The following CTSH variants were observed in gnomAD, a reference collection of about 807,000 sequenced individuals.
CTSH encodes pro-cathepsin H.
A neutral mutation model predicts 56.3 loss-of-function variants in CTSH; 52 were observed. The ratio of observed to expected loss-of-function variants is 0.92; its 90% CI spans 0.74 to 1.16. The LOEUF (loss-of-function observed/expected upper bound fraction) is 1.16, where lower values mean the gene tolerates loss of function less well. CTSH is among the 50% of genes most tolerant of loss of function. The probability of loss-of-function intolerance (pLI) is 0.00; values close to 1 mark genes in which losing one functional copy is unlikely to be tolerated. For synonymous variants in CTSH, 174 were observed against 155.7 expected, an observed-to-expected ratio of 1.12 and a Z score of -0.88; for missense variants, 406 against 424.5, an observed-to-expected ratio of 0.96 and a Z score of 0.38.
At chr15:78,938,582 G>A (rs1027764525) in intron 2 of CTSH, among the ~76,000 whole-genome samples, 1 of 152,084 alleles carries the variant, frequency 6.6e-6, no homozygotes, top group African/African-American at 2.4e-5. Flanking sequence ...CCATGTTGCT[G>A]CAAATGACAG....
At chr15:78,930,892 A>G (rs1184878609) in intron 7 of CTSH, among the ~76,000 whole-genome samples, 2 of 152,304 alleles carry the variant, frequency 1.3e-5, no homozygotes, top group East Asian at 3.9e-4. Flanking sequence ...GACCACAGAA[A>G]TGTCTCAGAG....
intron 7 of CTSH, among the ~76,000 whole-genome samples, chr15:78,929,824 C>T (rs971151477): frequency 2.0e-5 from 3 of 152,206 alleles, no homozygotes; most frequent in Non-Finnish European, 2.9e-5. Flanking sequence ...AGCCCCTGGG[C>T]AGGTGCTTCC....
intron 5 of CTSH, chr15:78,933,579 G>A (rs1439549644): frequency 2.2e-6 from 1 of 454,252 alleles, no homozygotes; most frequent in South Asian, 1.6e-5. Flanking sequence ...GGGACGGCCT[G>A]GTGAGAGGGT....
chr15:78,939,153 G>T lies in CTSH; in HGVS notation c.110C>A (p.Ser37Ter). ...TTGGGCACTGACCTTAGACATCCAT[G>T]ACTTGAAGTGAAACTTCTCTGTAAA... ...VNSLEKFHFK[S>*]WMSKHRKTYS... The change falls in exon 2 of 12, where the codon TCA becomes TAA. Residue 37 changes from serine to a stop codon, truncating the protein, a stop_gained. Transcript: ENST00000220166. LOFTEE classifies it high-confidence loss of function. 1 of 1,594,894 alleles carries T rather than the reference G, an allele frequency of 6.3e-7. No individual in the cohort carries two copies. The highest frequency in any genetic ancestry group is 8.5e-7 in the Non-Finnish European group (1 of 1,173,582).
At position 78,932,430 on chromosome 15, in the gene CTSH, G is replaced by A; in HGVS notation, c.434C>T (p.Ser145Phe). 1 of 1,614,118 alleles carries A rather than the reference G, an allele frequency of 6.2e-7. No individual in the cohort carries two copies. The highest frequency in any genetic ancestry group is 1.3e-5 in the African/African-American group (1 of 75,048). Residue 145 changes from serine to phenylalanine, a missense_variant, in exon 6 of 12, where the codon TCC becomes TTC. Coordinates refer to ENST00000220166, the MANE Select transcript of CTSH (RefSeq NM_004390.5). Reference sequence around the variant, plus strand: ...CGCAGACTCCAGGGCCCCAGTGGTGGAGAAAGTCCAGCAACTGCCGCAGGC... The same window carrying A: ...CGCAGACTCCAGGGCCCCAGTGGTGAAGAAAGTCCAGCAACTGCCGCAGGC... Reference protein sequence around the residue: ...QGACGSCWTFSTTGALESAIA... With the variant: ...QGACGSCWTFFTTGALESAIA...
At chr15:78,937,796 C>A in intron 2 of CTSH, 1 of 1,300,522 alleles carries the variant, frequency 7.7e-7, no homozygotes, top group Non-Finnish European at 1.0e-6. Flanking sequence ...ACTGATTCTG[C>A]AACCAGTACA....
At chr15:78,940,056 G>A (rs531995001) in intron 1 of CTSH, among the ~76,000 whole-genome samples, 1 of 152,244 alleles carries the variant, frequency 6.6e-6, no homozygotes, top group East Asian at 1.9e-4. Flanking sequence ...AACATTAATG[G>A]GTAGGACTGC....
chr15:78,930,534 G>GAAAA (rs1299046913), intron 7 of CTSH, among the ~76,000 whole-genome samples: 3 of 135,940 alleles, frequency 2.2e-5, no homozygotes, highest in African/African-American at 8.9e-5. Flanking sequence ...CTCAAAAAAA[G>GAAAA]AAAAAATAAA....
At chr15:78,928,619 G>A (rs933076249) in intron 8 of CTSH, among the ~76,000 whole-genome samples, 5 of 151,036 alleles carry the variant, frequency 3.3e-5, no homozygotes, top group African/African-American at 1.2e-4. Flanking sequence ...CAGGGAGACT[G>A]AGTTGGAGTC....
At chr15:78,934,231 A>T (rs1596282984) in intron 5 of CTSH, among the ~76,000 whole-genome samples, 1 of 152,216 alleles carries the variant, frequency 6.6e-6, no homozygotes, top group African/African-American at 2.4e-5. Flanking sequence ...TTGGAAAGTG[A>T]AAAAACATTT....
chr15:78,923,766 C>T (rs2054830379), intron 10 of CTSH, among the ~76,000 whole-genome samples: 1 of 152,168 alleles, frequency 6.6e-6, no homozygotes, highest in Non-Finnish European at 1.5e-5. Context: ...TGCTTTGTTG[C>T]CACTGCATTT....
intron 6 of CTSH, chr15:78,931,975 G>A (rs189011150): frequency 1.3e-5 from 15 of 1,148,192 alleles, no homozygotes; most frequent in African/African-American, 6.3e-5. Flanking sequence ...GGCATCATCC[G>A]TCTCTTGTGG....
rs1457541411 is a variant in CTSH at position 78,931,497 on chromosome 15, G to T, written c.502C>A (p.Gln168Lys). The T allele has an allele frequency of 2.5e-6, 4 of 1,614,258 alleles. No individual in the cohort carries two copies. In the Admixed American group the frequency reaches 6.7e-5, roughly 27 times the overall value. Residue 168 changes from glutamine (Q) to lysine (K), a missense_variant, in exon 7 of 12, where the codon CAG (glutamine) becomes AAG (lysine). Gln to Lys is a moderately conservative substitution (Grantham distance 53, BLOSUM62 1). Coordinates refer to ENST00000220166, the MANE Select transcript of CTSH (RefSeq NM_004390.5). ...TGKMLSLAEQQLVDCAQDFNN... is the reference protein window; with the variant it reads ...TGKMLSLAEQKLVDCAQDFNN... ...AAGTCCTGGGCGCAGTCCACCAGCT[G>T]CTGTTCCGCCTGGAAGAAGGACACA... is the stretch of plus-strand genomic sequence containing the variant.
At chr15:78,942,370 G>A (rs1250110062) in intron 1 of CTSH, among the ~76,000 whole-genome samples, 2 of 152,070 alleles carry the variant, frequency 1.3e-5, no homozygotes, top group East Asian at 1.9e-4. Flanking sequence ...CCACCACCAC[G>A]CCCGGCTAAT....
chr15:78,934,545 T>C (rs1273006997), intron 5 of CTSH, among the ~76,000 whole-genome samples: 2 of 152,174 alleles, frequency 1.3e-5, no homozygotes, highest in South Asian at 2.1e-4. Flanking sequence ...AGAAGCTTGC[T>C]GATGCATGAC....
Position 78,929,507 on chromosome 15 carries a change from A to G in CTSH, c.549-14T>C. 6.2e-7 allele frequency: 1 copy of G among 1,602,184 alleles called. No individual in the cohort carries two copies. The highest frequency in any genetic ancestry group is 8.5e-7 in the Non-Finnish European group (1 of 1,172,406). ...CTGGGGAGACCCCTGCAAGAAGTAC[A>G]CACAGGTGAGCCCACCTGGGGCTGT... is the stretch of plus-strand genomic sequence containing the variant. On this transcript the variant is annotated splice_polypyrimidine_tract_variant and intron_variant, in intron 7 of 11. Coordinates refer to ENST00000220166, the MANE Select transcript of CTSH (RefSeq NM_004390.5).
In CTSH at chr15:78,939,186, A is replaced by T; in HGVS notation, c.92-15T>A. 1 of 1,591,934 alleles carries T rather than the reference A, an allele frequency of 6.3e-7. No homozygotes were observed. Among genetic ancestry groups the T allele is most frequent in the South Asian group, 1.2e-5 (1 of 86,310 alleles). On this transcript the variant is annotated splice_polypyrimidine_tract_variant and intron_variant, in intron 1 of 11. Coordinates refer to ENST00000220166, the MANE Select transcript of CTSH (RefSeq NM_004390.5). ...GTGAAACTTCTCTGTAAAAAGAAAAAAAAAATTAGGTCTGGGCGCATCACA... is the reference window on the plus strand; with the variant it reads ...GTGAAACTTCTCTGTAAAAAGAAAATAAAAATTAGGTCTGGGCGCATCACA...
rs748620551 is a variant in CTSH, at chr15:78,939,156, T to C, written c.107A>G (p.Lys36Arg). Residue 36 changes from lysine to arginine, a missense_variant, in exon 2 of 12, where the codon AAG becomes AGG. Physicochemically the swap from Lys to Arg is conservative, Grantham distance 26 (BLOSUM62 2). Transcript: ENST00000220166. Reference sequence around the variant, plus strand: ...GGCACTGACCTTAGACATCCATGACTTGAAGTGAAACTTCTCTGTAAAAAG... The same window carrying C: ...GGCACTGACCTTAGACATCCATGACCTGAAGTGAAACTTCTCTGTAAAAAG... The part of the protein sequence containing the change: ...CVNSLEKFHF[K>R]SWMSKHRKTY... 1.3e-6 allele frequency: 2 copies of C among 1,596,482 alleles called. No individual in the cohort carries two copies. Among genetic ancestry groups the C allele is most frequent in the Non-Finnish European group, 1.7e-6 (2 of 1,174,498 alleles).
chr15:78,945,039 C>T lies in CTSH; in HGVS notation c.-58G>A. 1.5e-6 allele frequency: 2 copies of T among 1,357,696 alleles called. No homozygotes were observed. The highest frequency in any genetic ancestry group is 1.9e-6 in the Non-Finnish European group (2 of 1,042,046). The allele number at this position is 1,357,696 out of a possible 1,614,324, so 84.1% of individuals were successfully genotyped here. A position where few individuals can be genotyped will look rare whatever the true frequency, so the allele number is the denominator to read the frequency against. On this transcript the variant is annotated 5_prime_UTR_variant, in exon 1 of 12. Coordinates refer to ENST00000220166, the MANE Select transcript of CTSH (RefSeq NM_004390.5). Reference sequence around the variant, plus strand: ...GGTCCGCGGAGGTGGCGGCCCAGAGCGTCAACTGGGAGCGCGGGGGGGGAG... The same window carrying T: ...GGTCCGCGGAGGTGGCGGCCCAGAGTGTCAACTGGGAGCGCGGGGGGGGAG...
Sources: allele counts gnomAD v4.1 joint callset (sites outside exome capture counted in the v4.1 genomes callset), GRCh38; gene constraint gnomAD v4.1.1; transcripts MANE v1.5; gene names NCBI Gene and HGNC (gene_info 2026-07-23, HGNC 2026-07-21).